MLLT10: variants seen among roughly 807,000 people sequenced by gnomAD.
MLLT10 encodes MLLT10 histone lysine methyltransferase DOT1L cofactor, also known as protein AF-10.
MLLT10 carries 30 observed loss-of-function variants against 129.1 expected under a neutral mutation model. That is an observed-to-expected ratio of 0.23 (90% CI 0.17 to 0.32). MLLT10 has a LOEUF of 0.32. Among genes scored for constraint, MLLT10 ranks in the 10% least tolerant of loss-of-function variants. MLLT10 has a pLI of 1.00. For missense variants in MLLT10, 1,119 were observed against 1,268.3 expected, an observed-to-expected ratio of 0.88 and a Z score of 1.79; for synonymous variants, 490 against 446.4, an observed-to-expected ratio of 1.10 and a Z score of -1.23.
intron 21 of MLLT10, chr10:21,738,315 T>C (rs1007482667): frequency 3.0e-6 from 3 of 989,670 alleles, no homozygotes; most frequent in Non-Finnish European, 4.0e-6. Flanking sequence ...ATCTTGTTTT[T>C]TCTTACCAGT....
chr10:21,673,318 C>G, intron 10 of MLLT10, 32 bp from the exon 11 acceptor site: 10 of 307,318 alleles, frequency 3.3e-5, no homozygotes, highest in East Asian at 7.1e-5. Flanking sequence ...CACCCCCCAA[C>G]TTTTTTTTTT....
At chr10:21,663,161 A>G (rs1564603128) in intron 9 of MLLT10, among the ~76,000 whole-genome samples, 1 of 152,180 alleles carries the variant, frequency 6.6e-6, no homozygotes, top group Non-Finnish European at 1.5e-5. Context: ...TGGGCCTGCT[A>G]GAGGTCCTAG....
At chr10:21,647,692 T>G (rs2048627407) in intron 8 of MLLT10, among the ~76,000 whole-genome samples, 1 of 146,112 alleles carries the variant, frequency 6.8e-6, no homozygotes, top group African/African-American at 2.5e-5. Context: ...CTGGCTCTTT[T>G]TTTTTGCGGG....
chr10:21,687,167 C>T (rs2053388102), intron 13 of MLLT10, among the ~76,000 whole-genome samples: 1 of 152,066 alleles, frequency 6.6e-6, no homozygotes, highest in Non-Finnish European at 1.5e-5. Flanking sequence ...GTAATGTTAA[C>T]CAGTTATTCA....
At chr10:21,559,833 G>A (rs1245139092) in intron 3 of MLLT10, among the ~76,000 whole-genome samples, 5 of 152,058 alleles carry the variant, frequency 3.3e-5, no homozygotes, top group Admixed American at 2.6e-4. Context: ...TATATACCGT[G>A]TTTTGTTTAT....
intron 3 of MLLT10, among the ~76,000 whole-genome samples, chr10:21,543,099 C>T (rs569999482): frequency 2.7e-4 from 41 of 152,038 alleles, no homozygotes; most frequent in African/African-American, 9.9e-4. Context: ...GCTGAGATTA[C>T]AGACACCATG....
At chr10:21,586,496 T>C in intron 4 of MLLT10, 148 bp downstream of exon 4, 1 of 732,962 alleles carries the variant, frequency 1.4e-6, no homozygotes, top group Non-Finnish European at 2.3e-6. Flanking sequence ...TATAAATCCT[T>C]ATTGTATTGA....
chr10:21,535,750 ATATGTTTTTAG>A (rs2130878483), intron 2 of MLLT10, among the ~76,000 whole-genome samples: 1 of 152,240 alleles, frequency 6.6e-6, no homozygotes, highest in Admixed American at 6.5e-5. Context: ...TAAGCGATGC[ATATGTTTTTAG>A]TAGTCTGTTG....
intron 7 of MLLT10, among the ~76,000 whole-genome samples, chr10:21,615,473 AAG>A (rs2045152839): frequency 7.4e-6 from 1 of 135,400 alleles, no homozygotes; most frequent in African/African-American, 2.5e-5. Flanking sequence ...AAAAAAAAAA[AAG>A]AAAAAAAAAA....
intron 13 of MLLT10, among the ~76,000 whole-genome samples, chr10:21,690,725 A>G (rs1284318735): frequency 6.6e-6 from 1 of 151,984 alleles, no homozygotes; most frequent in African/African-American, 2.4e-5. Flanking sequence ...CTTAACTATT[A>G]CATAAATCAC....
intron 13 of MLLT10, among the ~76,000 whole-genome samples, chr10:21,710,305 T>TGGTAAG (rs2055953853): frequency 6.6e-6 from 1 of 152,146 alleles, no homozygotes. Flanking sequence ...ATGAGTGACA[T>TGGTAAG]GGTAAGGGAT....
intron 10 of MLLT10, among the ~76,000 whole-genome samples, chr10:21,671,295 G>A (rs1350909547): frequency 6.6e-6 from 1 of 152,172 alleles, no homozygotes; most frequent in Non-Finnish European, 1.5e-5. Flanking sequence ...AGGATTACAG[G>A]TGTGAGATAC....
At chr10:21,609,400 C>T (rs73592589) in intron 5 of MLLT10, among the ~76,000 whole-genome samples, 1,680 of 152,254 alleles carry the variant, frequency 0.011, 34 homozygotes, top group African/African-American at 0.038. Flanking sequence ...GGAATTGCCC[C>T]GGGTCAGAGT....
intron 8 of MLLT10, among the ~76,000 whole-genome samples, chr10:21,639,646 A>G (rs915056968): frequency 1.7e-4 from 26 of 152,082 alleles, no homozygotes; most frequent in Admixed American, 1.2e-3. Context: ...CCTGTGTAGA[A>G]ATGTGATTGG....
intron 13 of MLLT10, among the ~76,000 whole-genome samples, chr10:21,691,276 G>T (rs1294958054): frequency 6.6e-6 from 1 of 152,094 alleles, no homozygotes; most frequent in Non-Finnish European, 1.5e-5. Flanking sequence ...ACCTGGAGTT[G>T]TAGACCATGT....
At chr10:21,720,701 G>A (rs1320732652) in intron 14 of MLLT10, among the ~76,000 whole-genome samples, 1 of 152,110 alleles carries the variant, frequency 6.6e-6, no homozygotes, top group Non-Finnish European at 1.5e-5. Context: ...AGGGAAATAG[G>A]TTTTAATCTT....
chr10:21,674,537 A>G (rs966492470), intron 11 of MLLT10, among the ~76,000 whole-genome samples: 11 of 152,204 alleles, frequency 7.2e-5, no homozygotes, highest in African/African-American at 2.7e-4. Context: ...AAGACAAGTG[A>G]GTTGATATAC....
At chr10:21,649,187 C>G (rs371642409) in intron 8 of MLLT10, among the ~76,000 whole-genome samples, 1 of 152,146 alleles carries the variant, frequency 6.6e-6, no homozygotes, top group Non-Finnish European at 1.5e-5. Context: ...GCAATCCTCC[C>G]GCCTTGGCCC....
chr10:21,562,809 G>GTTT (rs1160606066), intron 3 of MLLT10, among the ~76,000 whole-genome samples: 1,370 of 76,502 alleles, frequency 0.018, 302 homozygotes, highest in African/African-American at 0.037. Context: ...CATATACTTT[G>GTTT]TTTTTTTTGT....
Sources: allele counts gnomAD v4.1 joint callset (sites outside exome capture counted in the v4.1 genomes callset), GRCh38; gene constraint gnomAD v4.1.1; transcripts MANE v1.5; gene names NCBI Gene and HGNC (gene_info 2026-07-23, HGNC 2026-07-21).